Variants in NIM1K observed in about 807,000 individuals in gnomAD.
NIM1K encodes serine/threonine-protein kinase NIM1.
In NIM1K, 35 loss-of-function variants were observed where a neutral mutation model predicts 37.1. The ratio of observed to expected loss-of-function variants is 0.94; its 90% CI spans 0.72 to 1.25. NIM1K has a LOEUF of 1.25. NIM1K is among the 50% of genes most tolerant of loss of function. The pLI is 0.00. For synonymous variants in NIM1K, 234 were observed against 206.6 expected (o/e 1.13, Z -1.14); for missense variants, 564 against 548.0 (o/e 1.03, Z -0.29).
At chr5:43,251,244 A>C (rs868062481) in intron 2 of NIM1K, among the ~76,000 whole-genome samples, 1 of 152,276 alleles carries the variant, frequency 6.6e-6, no homozygotes, top group South Asian at 2.1e-4. Flanking sequence ...CATTAAAGGA[A>C]AATTACAAGT....
intron 1 of NIM1K, among the ~76,000 whole-genome samples, chr5:43,205,207 AG>A (rs1752091060): frequency 6.6e-6 from 1 of 152,222 alleles, no homozygotes. Flanking sequence ...ACTGGACCCC[AG>A]ACTGGCCTTG....
At chr5:43,209,202 T>C (rs1752169356) in intron 1 of NIM1K, among the ~76,000 whole-genome samples, 1 of 152,220 alleles carries the variant, frequency 6.6e-6, no homozygotes, top group East Asian at 1.9e-4. Context: ...GTTTTTATTG[T>C]CTGCAGGCTG....
At chr5:43,196,349 C>G (rs1751913576) in intron 1 of NIM1K, among the ~76,000 whole-genome samples, 1 of 152,136 alleles carries the variant, frequency 6.6e-6, no homozygotes, top group Non-Finnish European at 1.5e-5. Flanking sequence ...TTATAACTGG[C>G]TGGGCGCGGT....
At chr5:43,279,181 C>T (rs750546288) in intron 3 of NIM1K, among the ~76,000 whole-genome samples, 1 of 152,204 alleles carries the variant, frequency 6.6e-6, no homozygotes, top group Non-Finnish European at 1.5e-5. Context: ...CCATGCTGAG[C>T]ACTGTTCTCA....
intron 1 of NIM1K, among the ~76,000 whole-genome samples, chr5:43,231,531 T>C (rs1752539036): frequency 7.8e-6 from 1 of 128,072 alleles, no homozygotes; most frequent in African/African-American, 2.7e-5. Context: ...TCCATATATA[T>C]GAAGATTTTT....
intron 1 of NIM1K, among the ~76,000 whole-genome samples, chr5:43,221,535 G>C (rs1380955197): frequency 6.6e-6 from 1 of 151,936 alleles, no homozygotes; most frequent in Non-Finnish European, 1.5e-5. Context: ...GTTTAATTGA[G>C]CAAAGACCAA....
intron 1 of NIM1K, among the ~76,000 whole-genome samples, chr5:43,212,958 G>A (rs1202852237): frequency 6.6e-6 from 1 of 152,140 alleles, no homozygotes; most frequent in Non-Finnish European, 1.5e-5. Flanking sequence ...TCGCCCAGGT[G>A]CAGAGTAGAA....
chr5:43,226,706 T>G (rs1752461781), intron 1 of NIM1K, among the ~76,000 whole-genome samples: 1 of 152,238 alleles, frequency 6.6e-6, no homozygotes, highest in Non-Finnish European at 1.5e-5. Flanking sequence ...ATGATGCCTG[T>G]GATGGCAGGT....
chr5:43,260,591 TAGAG>T (rs933666418), intron 2 of NIM1K, among the ~76,000 whole-genome samples: 4 of 149,844 alleles, frequency 2.7e-5, no homozygotes, highest in Non-Finnish European at 4.5e-5. Context: ...CATATATATA[TAGAG>T]AGAGAGAGAG....
At position 43,274,748 on chromosome 5, in the gene NIM1K, G is replaced by C. The variant is rs200042713; in HGVS notation, c.293-2309G>C. On this transcript the variant is annotated intron_variant, in intron 2 of 3. Transcript: ENST00000326035. ...CGGGCTGGCTGCCGCAGACACCAGT[G>C]AACCCTTTTTCCATTCCAGAAGTCC... Among the ~76,000 whole-genome samples the C allele has an allele frequency of 2.1e-3, 319 of 152,318 alleles. 1 individual carries two copies. The highest frequency in any genetic ancestry group is 0.018 in the East Asian group (92 of 5,182).
chr5:43,199,996 C>T (rs1751995213), intron 1 of NIM1K, among the ~76,000 whole-genome samples: 1 of 152,052 alleles, frequency 6.6e-6, no homozygotes, highest in South Asian at 2.1e-4. Flanking sequence ...CTGCTTCGGC[C>T]TCCTGAGTAG....
intron 2 of NIM1K, among the ~76,000 whole-genome samples, chr5:43,261,524 G>A (rs983288812): frequency 2.0e-5 from 3 of 151,904 alleles, no homozygotes; most frequent in Non-Finnish European, 4.4e-5. Flanking sequence ...TTGTCAGGTG[G>A]GTAGATTGCA....
intron 2 of NIM1K, among the ~76,000 whole-genome samples, chr5:43,258,034 CCAA>C (rs568088682): frequency 2.6e-5 from 4 of 152,160 alleles, no homozygotes; most frequent in Non-Finnish European, 5.9e-5. Context: ...GGAAGCACCA[CCAA>C]CATCAAGACA....
intron 1 of NIM1K, among the ~76,000 whole-genome samples, chr5:43,211,799 C>T (rs913576664): frequency 3.3e-5 from 5 of 152,118 alleles, no homozygotes; most frequent in Non-Finnish European, 7.4e-5. Flanking sequence ...GTGGTAAAAT[C>T]TACATTTTGG....
At chr5:43,270,275 A>C (rs1753235833) in intron 2 of NIM1K, among the ~76,000 whole-genome samples, 1 of 152,162 alleles carries the variant, frequency 6.6e-6, no homozygotes, top group South Asian at 2.1e-4. Context: ...GGGAAGAGAA[A>C]ATTGATGCAG....
chr5:43,223,037 G>T (rs1253296952), intron 1 of NIM1K, among the ~76,000 whole-genome samples: 1 of 151,452 alleles, frequency 6.6e-6, no homozygotes, highest in Non-Finnish European at 1.5e-5. Flanking sequence ...TACTCCGGAG[G>T]CTGAGGCAGG....
chr5:43,232,259 C>A lies in NIM1K; in HGVS notation c.-694-12823C>A. 11 of 1,090,672 alleles carry A rather than the reference C, an allele frequency of 1.0e-5. No homozygotes were observed. The South Asian group carries it at 1.4e-4, about 13-fold the overall frequency. The allele number at this position is 1,090,672 out of a possible 1,614,324, so 67.6% of individuals were successfully genotyped here. ...CATGTATTTACCATGGCAAGGCTCA[C>A]ATTTCATCATCTGGTTGGCAGGCTG... On this transcript the variant is annotated intron_variant, in intron 1 of 3. Transcript: ENST00000326035.
At chr5:43,217,364 T>C (rs183153895) in intron 1 of NIM1K, among the ~76,000 whole-genome samples, 4 of 151,932 alleles carry the variant, frequency 2.6e-5, no homozygotes, top group Non-Finnish European at 4.4e-5. Context: ...TATTTATCCA[T>C]TCATCAGTTG....
In NIM1K at chr5:43,202,910, C is replaced by T. The variant is rs562988371; in HGVS notation, c.-695+10499C>T. Among the ~76,000 whole-genome samples, 15 of 152,312 alleles carry T rather than the reference C, an allele frequency of 9.8e-5. No individual in the cohort carries two copies. The South Asian group carries it at 2.5e-3, about 25-fold the overall frequency. On this transcript the variant is annotated intron_variant, in intron 1 of 3. Transcript: ENST00000326035. Reference sequence around the variant, plus strand: ...TAGACCCTAGAAAGCCTCACTGCCACGCTCAGCTTACCTGCTGCTGGCTCC... The same window carrying T: ...TAGACCCTAGAAAGCCTCACTGCCATGCTCAGCTTACCTGCTGCTGGCTCC...
Sources: allele counts gnomAD v4.1 joint callset (sites outside exome capture counted in the v4.1 genomes callset), GRCh38; gene constraint gnomAD v4.1.1; transcripts MANE v1.5; gene names NCBI Gene and HGNC (gene_info 2026-07-23, HGNC 2026-07-21).